LRRC7: variants seen among roughly 807,000 people sequenced by gnomAD.
LRRC7 encodes the protein leucine rich repeat containing 7.
LRRC7 carries 23 observed loss-of-function variants against 175.7 expected under a neutral mutation model. The ratio of observed to expected loss-of-function variants is 0.13; its 90% CI spans 0.09 to 0.19. The LOEUF is 0.19. Ranked by LOEUF, LRRC7 falls within the 10% of genes least tolerant of loss-of-function variation. The probability of loss-of-function intolerance (pLI) is 1.00; values close to 1 mark genes in which losing one functional copy is unlikely to be tolerated. For synonymous variants in LRRC7, 685 were observed against 680.9 expected (o/e 1.01, Z -0.09); for missense variants, 1,354 against 1,904.7 (o/e 0.71, Z 5.38).
At chr1:70,032,248 A>G (rs1658824857) in intron 18 of LRRC7, among the ~76,000 whole-genome samples, 1 of 152,196 alleles carries the variant, frequency 6.6e-6, no homozygotes, top group Admixed American at 6.5e-5. Flanking sequence ...TAATTGCAAC[A>G]ACACCCATGG....
intron 2 of LRRC7, among the ~76,000 whole-genome samples, chr1:69,754,534 G>A (rs1028653837): frequency 3.9e-5 from 6 of 152,026 alleles, no homozygotes; most frequent in East Asian, 1.9e-4. Context: ...GGGTAGAACA[G>A]TAATTGCTAA....
intron 7 of LRRC7, among the ~76,000 whole-genome samples, chr1:69,928,618 G>A (rs919403181): frequency 1.6e-4 from 25 of 152,332 alleles, no homozygotes; most frequent in South Asian, 2.1e-4. Context: ...AGCCATGTGC[G>A]GGATGTAATC....
intron 2 of LRRC7, among the ~76,000 whole-genome samples, chr1:69,689,314 T>C (rs530477263): frequency 9.8e-5 from 15 of 152,288 alleles, no homozygotes; most frequent in Middle Eastern, 3.4e-3. Context: ...AGCTAGTAAG[T>C]GCTGAAGCTG....
intron 4 of LRRC7, among the ~76,000 whole-genome samples, chr1:69,805,074 A>G (rs998212305): frequency 1.4e-4 from 21 of 151,776 alleles, no homozygotes; most frequent in Admixed American, 4.0e-4. Context: ...ACTTATTTCT[A>G]TACAAGAATG....
rs1667110503 is a variant in LRRC7, at chr1:70,142,655, AAAC to A, written c.*20769_*20771del. On this transcript the variant is annotated 3_prime_UTR_variant, in exon 27 of 27. Transcript: ENST00000651989. ...ACCACAAAAGACCTTGAAAAAAGTGAAACTACTGCAAGATTACTGTTGCTTATT... is the reference window on the plus strand; with the variant it reads ...ACCACAAAAGACCTTGAAAAAAGTGATACTGCAAGATTACTGTTGCTTATT... 2 of 152,134 alleles carry A rather than the reference AAAC, an allele frequency of 1.3e-5. No homozygotes were observed. The highest frequency in any genetic ancestry group is 2.9e-5 in the Non-Finnish European group (2 of 67,974). 9.4% of individuals were successfully genotyped at this position (152,134 alleles called of 1,614,324 possible). A position where few individuals can be genotyped will look rare whatever the true frequency, so the allele number is the denominator to read the frequency against.
chr1:69,937,320 C>T (rs1570728548), intron 8 of LRRC7, among the ~76,000 whole-genome samples: 1 of 152,174 alleles, frequency 6.6e-6, no homozygotes, highest in South Asian at 2.1e-4. Context: ...TATTCTTTAT[C>T]AGGTTCATAA....
chr1:69,642,187 C>A lies in LRRC7; in HGVS notation c.3-36194C>A, dbSNP rs190858909. ...TCATGAAATGTTATAACTAAATTTT[C>A]TTTTAATAAAAATACTATGCTAATG... On this transcript the variant is annotated intron_variant, in intron 1 of 26. Transcript: ENST00000651989. 2.5e-3 allele frequency among the ~76,000 whole-genome samples: 374 copies of A among 151,908 alleles called. 1 individual carries two copies. The highest frequency in any genetic ancestry group is 8.5e-3 in the African/African-American group (353 of 41,494).
intron 7 of LRRC7, among the ~76,000 whole-genome samples, chr1:69,864,256 A>G (rs1684672204): frequency 6.6e-6 from 1 of 152,232 alleles, no homozygotes; most frequent in South Asian, 2.1e-4. Flanking sequence ...ATGGGGACTC[A>G]CAGATAGAAA....
intron 7 of LRRC7, among the ~76,000 whole-genome samples, chr1:69,845,033 T>C (rs988999055): frequency 6.6e-6 from 1 of 152,058 alleles, no homozygotes; most frequent in Non-Finnish European, 1.5e-5. Flanking sequence ...GAGAATCACT[T>C]GAGCCCAGGA....
At chr1:69,586,969 C>T (rs1426449013) in intron 1 of LRRC7, among the ~76,000 whole-genome samples, 1 of 152,124 alleles carries the variant, frequency 6.6e-6, no homozygotes, top group African/African-American at 2.4e-5. Context: ...ACATTTATAT[C>T]TAAATAATGA....
At chr1:69,705,852 C>T (rs1663965952) in intron 2 of LRRC7, among the ~76,000 whole-genome samples, 1 of 152,096 alleles carries the variant, frequency 6.6e-6, no homozygotes, top group Non-Finnish European at 1.5e-5. Context: ...TAATTTTTAA[C>T]ACTCTCAGAG....
At chr1:69,998,476 C>T (rs1280108610) in intron 11 of LRRC7, among the ~76,000 whole-genome samples, 3 of 152,108 alleles carry the variant, frequency 2.0e-5, no homozygotes, top group Non-Finnish European at 4.4e-5. Context: ...CAGTTACTTG[C>T]ATTTTCTCCA....
chr1:69,792,209 A>G (rs1675208904), intron 4 of LRRC7, 49 bp downstream of exon 4: 1 of 1,029,912 alleles, frequency 9.7e-7, no homozygotes, highest in African/African-American at 1.6e-5. Flanking sequence ...TTAACTGAAA[A>G]TGTGCTTTAA....
intron 10 of LRRC7, among the ~76,000 whole-genome samples, chr1:69,987,785 G>T (rs1654073033): frequency 6.6e-6 from 1 of 152,082 alleles, no homozygotes; most frequent in Admixed American, 6.5e-5. Flanking sequence ...GCAAAATTGT[G>T]GTCCATCGTT....
chr1:69,980,533 A>C, intron 9 of LRRC7, 80 bp downstream of exon 9: 1 of 1,118,028 alleles, frequency 8.9e-7, no homozygotes, highest in Non-Finnish European at 1.3e-6. Flanking sequence ...CAACTCTTAA[A>C]TTTCAGTATT....
intron 3 of LRRC7, among the ~76,000 whole-genome samples, chr1:69,761,148 G>A (rs1444873549): frequency 1.3e-5 from 2 of 151,958 alleles, no homozygotes; most frequent in Non-Finnish European, 1.5e-5. Flanking sequence ...TAAATCAAGG[G>A]ATCCTAACAG....
chr1:69,732,201 A>G (rs1327498451), intron 2 of LRRC7, among the ~76,000 whole-genome samples: 3 of 152,250 alleles, frequency 2.0e-5, no homozygotes, highest in Non-Finnish European at 4.4e-5. Context: ...AATGTCTGGA[A>G]GATAACTTCA....
At chr1:69,898,031 A>G (rs6424610) in intron 7 of LRRC7, among the ~76,000 whole-genome samples, 84,396 of 151,994 alleles carry the variant, frequency 0.56, 23,505 homozygotes, top group East Asian at 0.7. Flanking sequence ...ATCCATGGGA[A>G]AATTAACTGA....
intron 7 of LRRC7, among the ~76,000 whole-genome samples, chr1:69,894,249 A>G (rs1645917628): frequency 6.6e-6 from 1 of 152,196 alleles, no homozygotes; most frequent in South Asian, 2.1e-4. Context: ...CATTTTACAA[A>G]TAAAGAAACT....
Sources: allele counts gnomAD v4.1 joint callset (sites outside exome capture counted in the v4.1 genomes callset), GRCh38; gene constraint gnomAD v4.1.1; transcripts MANE v1.5; gene names NCBI Gene and HGNC (gene_info 2026-07-23, HGNC 2026-07-21).